LPP: variants seen among roughly 807,000 people sequenced by gnomAD.
The protein encoded by LPP is lipoma-preferred partner.
In LPP, 38 loss-of-function variants were observed where a neutral mutation model predicts 60.4. That is an observed-to-expected ratio of 0.63 (90% CI 0.49 to 0.83). LPP has a LOEUF of 0.83. LPP is among the 40% of genes least tolerant of loss of function. LPP has a pLI of 0.00. For synonymous variants in LPP, 328 were observed against 290.8 expected (o/e 1.13, Z -1.30); for missense variants, 902 against 783.6 (o/e 1.15, Z -1.80).
intron 7 of LPP, among the ~76,000 whole-genome samples, chr3:188,615,172 C>T (rs1292947137): frequency 6.6e-6 from 1 of 152,168 alleles, no homozygotes; most frequent in Non-Finnish European, 1.5e-5. Flanking sequence ...TTGCAGAATA[C>T]ATTGAAATCC....
At chr3:188,629,286 T>G (rs1847422555) in intron 7 of LPP, among the ~76,000 whole-genome samples, 1 of 152,142 alleles carries the variant, frequency 6.6e-6, no homozygotes, top group African/African-American at 2.4e-5. Flanking sequence ...AAACTATTTC[T>G]GTTTGCAGAT....
chr3:188,384,898 A>G (rs1392819201), intron 3 of LPP, among the ~76,000 whole-genome samples: 4 of 151,226 alleles, frequency 2.6e-5, no homozygotes, highest in African/African-American at 9.8e-5. Flanking sequence ...CCTATGTAGT[A>G]CATCTTGCTG....
intron 6 of LPP, among the ~76,000 whole-genome samples, chr3:188,565,990 T>G (rs1832048301): frequency 6.6e-6 from 1 of 151,920 alleles, no homozygotes; most frequent in Admixed American, 6.6e-5. Context: ...TGAGGGATTT[T>G]GGAATAGCTT....
At chr3:188,813,078 T>A (rs1751516885) in intron 9 of LPP, among the ~76,000 whole-genome samples, 2 of 152,162 alleles carry the variant, frequency 1.3e-5, no homozygotes. Flanking sequence ...CTGGAGCCAG[T>A]TATTGCAGCA....
intron 7 of LPP, among the ~76,000 whole-genome samples, chr3:188,685,118 C>A (rs1177766612): frequency 6.6e-6 from 1 of 152,180 alleles, no homozygotes; most frequent in East Asian, 1.9e-4. Flanking sequence ...AAGTAAGGAA[C>A]CTGCCCAAGG....
chr3:188,251,961 T>C (rs987068705), intron 2 of LPP, among the ~76,000 whole-genome samples: 2 of 147,660 alleles, frequency 1.4e-5, no homozygotes, highest in African/African-American at 2.5e-5. Context: ...AGATATTTGC[T>C]CCACCTTGTT....
chr3:188,275,703 G>C (rs6794463), intron 2 of LPP, among the ~76,000 whole-genome samples: 109,942 of 151,520 alleles, frequency 0.73, 41,038 homozygotes, highest in African/African-American at 0.9. Context: ...TCTTTGAAAC[G>C]GAGTCTCTGT....
At chr3:188,189,084 T>TTTTA (rs1727413565) in intron 1 of LPP, among the ~76,000 whole-genome samples, 1 of 152,060 alleles carries the variant, frequency 6.6e-6, no homozygotes, top group African/African-American at 2.4e-5. Context: ...AACAGTGCTA[T>TTTTA]TTTATTTATT....
At chr3:188,201,649 G>T (rs1339842846) in intron 1 of LPP, among the ~76,000 whole-genome samples, 3 of 152,168 alleles carry the variant, frequency 2.0e-5, no homozygotes, top group Non-Finnish European at 2.9e-5. Context: ...GGAAGTTGCA[G>T]TGAGGTGAGA....
At chr3:188,169,595 G>A (rs1312176264) in intron 1 of LPP, among the ~76,000 whole-genome samples, 1 of 152,192 alleles carries the variant, frequency 6.6e-6, no homozygotes, top group African/African-American at 2.4e-5. Context: ...TCAGTATTGT[G>A]TATCTTTACC....
chr3:188,753,706 G>A (rs538088013), intron 8 of LPP, among the ~76,000 whole-genome samples: 2 of 151,676 alleles, frequency 1.3e-5, no homozygotes, highest in African/African-American at 2.4e-5. Flanking sequence ...CTCCGAAACT[G>A]TTTTGTGTCT....
At position 188,888,247 on chromosome 3, in the gene LPP, A is replaced by C. The variant is rs1010704667; in HGVS notation, c.*13768A>C. 4.5e-6 allele frequency: 1 copy of C among 223,002 alleles called. No homozygotes were observed. Among genetic ancestry groups the C allele is most frequent in the African/African-American group, 2.2e-5 (1 of 44,796 alleles). 13.8% of individuals were successfully genotyped at this position (223,002 alleles called of 1,614,324 possible). On this transcript the variant is annotated 3_prime_UTR_variant, in exon 12 of 12. Coordinates refer to ENST00000617246, the MANE Select transcript of LPP (RefSeq NM_001375462.1). ...GAATATGTGCAATTATGAGACATACAAAAAAGGAAAGGGAAAGGACTTTCT... is the reference window on the plus strand; with the variant it reads ...GAATATGTGCAATTATGAGACATACCAAAAAGGAAAGGGAAAGGACTTTCT...
chr3:188,590,520 G>A (rs1838455287), intron 6 of LPP, among the ~76,000 whole-genome samples: 2 of 152,298 alleles, frequency 1.3e-5, no homozygotes, highest in East Asian at 3.9e-4. Flanking sequence ...GTTGCAGCGA[G>A]CTGAGATCGC....
At chr3:188,230,609 C>G (rs551080732) in intron 2 of LPP, among the ~76,000 whole-genome samples, 1 of 151,872 alleles carries the variant, frequency 6.6e-6, no homozygotes, top group African/African-American at 2.4e-5. Flanking sequence ...AATGGAGAAG[C>G]CTCATCTCTA....
At chr3:188,521,787 C>G (rs1024768253) in intron 5 of LPP, among the ~76,000 whole-genome samples, 1 of 151,986 alleles carries the variant, frequency 6.6e-6, no homozygotes, top group Non-Finnish European at 1.5e-5. Flanking sequence ...AAAACTATGG[C>G]CCAGGGAAAG....
intron 8 of LPP, among the ~76,000 whole-genome samples, chr3:188,730,467 T>C (rs993536413): frequency 2.0e-5 from 3 of 152,222 alleles, no homozygotes; most frequent in Admixed American, 6.5e-5. Flanking sequence ...GTTGGAGATA[T>C]CTTGGTACTC....
At chr3:188,439,592 G>A (rs1413363866) in intron 4 of LPP, among the ~76,000 whole-genome samples, 1 of 152,094 alleles carries the variant, frequency 6.6e-6, no homozygotes, top group Non-Finnish European at 1.5e-5. Flanking sequence ...GAAGTCCAGT[G>A]GAGTCTATAC....
At chr3:188,442,748 A>T (rs1353249915) in intron 4 of LPP, among the ~76,000 whole-genome samples, 1 of 152,190 alleles carries the variant, frequency 6.6e-6, no homozygotes, top group Non-Finnish European at 1.5e-5. Flanking sequence ...TTAAGAATCA[A>T]GCTCTGTTTA....
intron 3 of LPP, among the ~76,000 whole-genome samples, chr3:188,382,506 T>C (rs1392989444): frequency 6.6e-6 from 1 of 152,242 alleles, no homozygotes; most frequent in Non-Finnish European, 1.5e-5. Context: ...TGATGGCTCT[T>C]TAAAAAGAGC....
Sources: gnomAD v4.1 joint callset for allele counts (sites outside exome capture counted in the v4.1 genomes callset) on GRCh38, gnomAD v4.1.1 for gene constraint, MANE v1.5 for transcripts, NCBI Gene and HGNC (gene_info 2026-07-23, HGNC 2026-07-21) for gene names.